The following RGS3 variants were observed in gnomAD, a reference collection of about 807,000 sequenced individuals.
RGS3 encodes the protein regulator of G-protein signalling 3.
RGS3 carries 80 observed loss-of-function variants against 132.6 expected under a neutral mutation model. That is an observed-to-expected ratio of 0.60 (90% CI 0.50 to 0.73). The LOEUF is 0.73. Among genes scored for constraint, RGS3 ranks in the 30% least tolerant of loss-of-function variants. The pLI, the probability that RGS3 is intolerant of heterozygous loss-of-function variation, is 0.00. For synonymous variants in RGS3, 598 were observed against 620.6 expected (o/e 0.96, Z 0.54); for missense variants, 1,382 against 1,530.8 (o/e 0.90, Z 1.62).
intron 6 of RGS3, among the ~76,000 whole-genome samples, chr9:113,484,987 TCCTTTTCAGA>T (rs551866199): frequency 3.3e-5 from 5 of 152,244 alleles, no homozygotes; most frequent in Admixed American, 6.5e-5. Flanking sequence ...CCTTTTAAGG[TCCTTTTCAGA>T]CCTTTTCAGA....
intron 1 of RGS3, among the ~76,000 whole-genome samples, chr9:113,453,094 A>G (rs2119145587): frequency 7.4e-6 from 1 of 135,436 alleles, no homozygotes; most frequent in African/African-American, 2.7e-5. Context: ...ATAGAAATAT[A>G]TTTTATATAA....
At chr9:113,513,062 G>A (rs1305575255) in intron 14 of RGS3, among the ~76,000 whole-genome samples, 1 of 152,186 alleles carries the variant, frequency 6.6e-6, no homozygotes, top group Non-Finnish European at 1.5e-5. Flanking sequence ...CGGGCGTGGT[G>A]GTGCATGCCT....
At chr9:113,516,984 T>C (rs1831703561) in intron 15 of RGS3, among the ~76,000 whole-genome samples, 1 of 152,224 alleles carries the variant, frequency 6.6e-6, no homozygotes, top group Non-Finnish European at 1.5e-5. Flanking sequence ...TGGGCTGGGC[T>C]GGGCAAGGTG....
At chr9:113,450,209 C>T (rs1008239972) in intron 1 of RGS3, among the ~76,000 whole-genome samples, 6 of 152,160 alleles carry the variant, frequency 3.9e-5, no homozygotes, top group African/African-American at 1.4e-4. Context: ...TTTGGGACTA[C>T]AGGCACATGC....
chr9:113,532,647 A>G (rs551537870), intron 18 of RGS3, among the ~76,000 whole-genome samples: 4 of 152,298 alleles, frequency 2.6e-5, no homozygotes, highest in Non-Finnish European at 2.9e-5. Context: ...AGGCATAATC[A>G]TGGCTATTAC....
chr9:113,449,650 A>G (rs1261304346), intron 1 of RGS3, among the ~76,000 whole-genome samples: 2 of 152,182 alleles, frequency 1.3e-5, no homozygotes, highest in Non-Finnish European at 2.9e-5. Flanking sequence ...CATAGGGATT[A>G]TTTAAGGATA....
In RGS3 at chr9:113,536,622, C is replaced by T. The variant is rs1309457767; in HGVS notation, c.1915-174C>T. The T allele has an allele frequency of 3.4e-6, 5 of 1,455,398 alleles. No homozygotes were observed. The African/African-American group carries it at 4.2e-5, about 12-fold the overall frequency. 90.2% of individuals were successfully genotyped at this position (1,455,398 alleles called of 1,614,324 possible). A position where few individuals can be genotyped will look rare whatever the true frequency, so the allele number is the denominator to read the frequency against. On this transcript the variant is annotated intron_variant, in intron 18 of 24. Transcript: ENST00000350696. ...TGGCCCTTGAACCCACTTCCCTGCG[C>T]CTCTGGCTGCCTCAATGTCACTGGG...
chr9:113,539,419 C>T (rs1303336222), intron 19 of RGS3, among the ~76,000 whole-genome samples: 1 of 152,218 alleles, frequency 6.6e-6, no homozygotes, highest in Admixed American at 6.5e-5. Context: ...AAGCGATTCT[C>T]ATGGCTCAGC....
At chr9:113,544,406 G>C (rs1362711836) in intron 19 of RGS3, among the ~76,000 whole-genome samples, 1 of 151,578 alleles carries the variant, frequency 6.6e-6, no homozygotes, top group African/African-American at 2.4e-5. Flanking sequence ...GGGTCTTTTG[G>C]CTATTTGGGG....
At chr9:113,478,931 A>G (rs1830074575) in intron 3 of RGS3, 1 of 158,384 alleles carries the variant, frequency 6.3e-6, no homozygotes, top group Non-Finnish European at 1.4e-5. Flanking sequence ...ACAGCTATAG[A>G]TGGTTTACTT....
intron 16 of RGS3, among the ~76,000 whole-genome samples, chr9:113,520,211 A>G (rs1831874173): frequency 6.6e-6 from 1 of 152,174 alleles, no homozygotes; most frequent in Non-Finnish European, 1.5e-5. Context: ...GCGACAGGTG[A>G]TTGGGCCATG....
chr9:113,479,576 G>A (rs1313630749), intron 4 of RGS3, 35 bp downstream of exon 2: 1 of 1,610,556 alleles, frequency 6.2e-7, no homozygotes, highest in Non-Finnish European at 8.5e-7. Context: ...ACCAAGGAAG[G>A]GGCGGGCCAC....
chr9:113,479,100 G>T (rs763561899), intron 3 of RGS3: 1 of 197,548 alleles, frequency 5.1e-6, no homozygotes, highest in Non-Finnish European at 1.0e-5. Context: ...AATTTCAGTA[G>T]ATCTTGGCAG....
intron 19 of RGS3, among the ~76,000 whole-genome samples, chr9:113,555,463 G>C (rs1316269766): frequency 6.6e-6 from 1 of 150,706 alleles, no homozygotes; most frequent in Non-Finnish European, 1.5e-5. Context: ...TCGGTTTCCG[G>C]TTGTGACTAT....
At chr9:113,584,336 G>A in exon 20 of RGS3, 2 of 1,595,028 alleles carry the variant, frequency 1.3e-6, no homozygotes, top group Non-Finnish European at 8.5e-7. Flanking sequence ...TCCACCTGGG[G>A]CATGCCTTCG....
At chr9:113,501,927 A>G (rs938573059) in intron 10 of RGS3, among the ~76,000 whole-genome samples, 2 of 152,160 alleles carry the variant, frequency 1.3e-5, no homozygotes, top group African/African-American at 4.8e-5. Context: ...TGAAAATGCC[A>G]TGGTTGCTGA....
In RGS3 at chr9:113,565,370, T is replaced by C. The variant is rs1431890522; in HGVS notation, c.2038-18080T>C. On this transcript the variant is annotated intron_variant, in intron 19 of 24. Coordinates refer to ENST00000350696, the Ensembl canonical transcript of RGS3. This position sits in a 1 kb window ranked among gnomAD's most constrained non-coding sequence, Gnocchi z 5.7. ...TGGCCGGCTAGACAGGGTGTGTGTT[T>C]GGGAAAGGCGCTGGAGGAGGAGGAA... The C allele has an allele frequency of 1.6e-6, 2 of 1,289,398 alleles. No homozygotes were observed. The highest frequency in any genetic ancestry group is 2.3e-5 in the Admixed American group (1 of 43,484). 79.9% of individuals were successfully genotyped at this position (1,289,398 alleles called of 1,614,324 possible).
intron 13 of RGS3, 136 bp from the exon 12 acceptor site, chr9:113,508,405 A>G (rs144296335): frequency 3.8e-6 from 3 of 799,746 alleles, no homozygotes; most frequent in Non-Finnish European, 6.3e-6. Flanking sequence ...TCAGCTGGTT[A>G]CCAGAACTGC....
At chr9:113,557,846 T>A (rs1359525239) in intron 19 of RGS3, among the ~76,000 whole-genome samples, 2 of 151,804 alleles carry the variant, frequency 1.3e-5, no homozygotes, top group Non-Finnish European at 2.9e-5. Context: ...CCAGCATAGG[T>A]GGGAAGACGA....
Sources: gnomAD v4.1 joint callset for allele counts (sites outside exome capture counted in the v4.1 genomes callset) on GRCh38, gnomAD v4.1.1 for gene constraint, Gnocchi (gnomAD v3.1) non-coding constraint, MANE v1.5 for transcripts, NCBI Gene and HGNC (gene_info 2026-07-23, HGNC 2026-07-21) for gene names.